ANKRD11: variants seen among roughly 807,000 people sequenced by gnomAD.
ANKRD11 encodes the protein ankyrin repeat domain-containing protein 11.
Under a neutral mutation model 195.7 loss-of-function variants are expected in ANKRD11, and 17 were observed. That is an observed-to-expected ratio of 0.09 (90% confidence interval 0.06 to 0.13). The LOEUF (loss-of-function observed/expected upper bound fraction) is 0.13, where lower values mean the gene tolerates loss of function less well. ANKRD11 is among the 10% of genes least tolerant of loss of function. The pLI is 1.00. For synonymous variants in ANKRD11, 1,953 were observed against 1,528.1 expected (o/e 1.28, Z -6.49); for missense variants, 3,735 against 3,566.1 (o/e 1.05, Z -1.21).
In ANKRD11 at chr16:89,304,388, GCACACATGGGCATA is replaced by G. The variant is rs1307929007; in HGVS notation, c.226+804_226+817del. On this transcript the variant is annotated intron_variant, in intron 4 of 12. Transcript: ENST00000301030. ...CATGCACATGCACACACATGCAAAC[GCACACATGGGCATA>G]CACACATGAGCGCACATATATACAG... is the stretch of plus-strand genomic sequence containing the variant. Among the ~76,000 whole-genome samples the G allele has an allele frequency of 2.8e-5, 4 of 144,358 alleles. No homozygotes were observed. The East Asian group carries it at 8.3e-4, about 30-fold the overall frequency. 94.7% of individuals were successfully genotyped at this position (144,358 alleles called of 152,430 possible).
chr16:89,463,229 A>G (rs931510682), intron 1 of ANKRD11, among the ~76,000 whole-genome samples: 3 of 152,242 alleles, frequency 2.0e-5, no homozygotes, highest in Admixed American at 1.3e-4. Context: ...TGTGGAATAG[A>G]AAGCGGGGAA....
chr16:89,342,269 C>G lies in ANKRD11; in HGVS notation c.-59-25191G>C, dbSNP rs530842849. 1.4e-4 allele frequency among the ~76,000 whole-genome samples: 22 copies of G among 152,376 alleles called. No homozygotes were observed. In the East Asian group the frequency reaches 3.9e-3, roughly 27 times the overall value. On this transcript the variant is annotated intron_variant, in intron 2 of 12. Transcript: ENST00000301030. ...AAGGTTCCAGGTGGAACATCAAGAG[C>G]TGCTGGTGAATGAGAGCGGCAGCCC...
chr16:89,331,082 T>C (rs950334427), intron 2 of ANKRD11, among the ~76,000 whole-genome samples: 3 of 152,010 alleles, frequency 2.0e-5, no homozygotes, highest in Non-Finnish European at 4.4e-5. Context: ...GCCTCCTGAG[T>C]AGCTGGGACT....
intron 2 of ANKRD11, chr16:89,324,001 C>G (rs552161183): frequency 8.8e-6 from 2 of 227,492 alleles, no homozygotes; most frequent in East Asian, 2.9e-4. Context: ...AAACCAAACC[C>G]CCAGTGTGCC....
chr16:89,300,902 A>C, intron 4 of ANKRD11: 1 of 701,412 alleles, frequency 1.4e-6, no homozygotes, highest in South Asian at 1.5e-5. Flanking sequence ...GCTTCGGCCC[A>C]TGGCGCTCCT....
chr16:89,377,284 A>G (rs2040463136), intron 2 of ANKRD11, among the ~76,000 whole-genome samples: 1 of 152,080 alleles, frequency 6.6e-6, no homozygotes, highest in Non-Finnish European at 1.5e-5. Flanking sequence ...AGAGAGAGAG[A>G]GCATCATGAG....
intron 2 of ANKRD11, among the ~76,000 whole-genome samples, chr16:89,368,299 C>T (rs916438731): frequency 1.3e-4 from 19 of 150,044 alleles, no homozygotes; most frequent in Admixed American, 8.7e-4. Flanking sequence ...AGGTTACAAG[C>T]GATTCTCCTG....
intron 1 of ANKRD11, among the ~76,000 whole-genome samples, chr16:89,431,006 G>A (rs574879719): frequency 1.4e-4 from 22 of 152,026 alleles, no homozygotes; most frequent in South Asian, 4.2e-4. Flanking sequence ...TATCCATCCC[G>A]GCCTCTTCCT....
chr16:89,373,730 G>A (rs1198163004), intron 2 of ANKRD11, among the ~76,000 whole-genome samples: 2 of 152,220 alleles, frequency 1.3e-5, no homozygotes, highest in Non-Finnish European at 2.9e-5. Context: ...CCACGCGGGA[G>A]GCATGCACAC....
chr16:89,415,511 G>T (rs183302441), intron 2 of ANKRD11, among the ~76,000 whole-genome samples: 2 of 143,622 alleles, frequency 1.4e-5, no homozygotes, highest in African/African-American at 5.3e-5. Flanking sequence ...TGATCCACCC[G>T]CCTCGGCCTC....
intron 2 of ANKRD11, among the ~76,000 whole-genome samples, chr16:89,414,374 C>T (rs996340897): frequency 6.6e-6 from 1 of 152,188 alleles, no homozygotes; most frequent in Non-Finnish European, 1.5e-5. Flanking sequence ...TCCGCTGTCA[C>T]TCACGGCCAC....
Position 89,267,928 on chromosome 16 carries a change from CTG to C in ANKRD11, c.*548_*549del, listed in dbSNP as rs2032768160. On this transcript the variant is annotated 3_prime_UTR_variant, in exon 13 of 13. Transcript: ENST00000301030. Reference sequence around the variant, plus strand: ...TTCAATACGGCTGGGAGTCCTGGCTCTGTGTCCCTCCGCCTGGCTCCGCACCA... The same window carrying C: ...TTCAATACGGCTGGGAGTCCTGGCTCTGTCCCTCCGCCTGGCTCCGCACCA... 1 of 160,984 alleles carries C rather than the reference CTG, an allele frequency of 6.2e-6. No homozygotes were observed. The highest frequency in any genetic ancestry group is 2.4e-5 in the African/African-American group (1 of 41,540). The allele number at this position is 160,984 out of a possible 1,614,324, so 10.0% of individuals were successfully genotyped here.
At chr16:89,464,548 T>C (rs1597490812) in intron 1 of ANKRD11, among the ~76,000 whole-genome samples, 2 of 140,314 alleles carry the variant, frequency 1.4e-5, no homozygotes, top group Non-Finnish European at 3.0e-5. Context: ...GTGGAGGCTG[T>C]AGTGAGCCAA....
intron 2 of ANKRD11, among the ~76,000 whole-genome samples, chr16:89,394,484 T>A (rs1263841650): frequency 1.3e-5 from 2 of 152,054 alleles, no homozygotes; most frequent in Non-Finnish European, 2.9e-5. Flanking sequence ...AAAAATTAGC[T>A]GTGCGTGGTG....
intron 3 of ANKRD11, among the ~76,000 whole-genome samples, chr16:89,315,111 G>A (rs1255125412): frequency 6.6e-6 from 1 of 152,188 alleles, no homozygotes; most frequent in Non-Finnish European, 1.5e-5. Flanking sequence ...CACTCTCGGG[G>A]TGAAACCACA....
At chr16:89,449,462 T>C (rs2043962709) in intron 1 of ANKRD11, among the ~76,000 whole-genome samples, 1 of 151,956 alleles carries the variant, frequency 6.6e-6, no homozygotes, top group Admixed American at 6.6e-5. Flanking sequence ...TTTTAAATTA[T>C]ACCCACACAC....
At chr16:89,433,745 G>A (rs1159823532) in intron 1 of ANKRD11, among the ~76,000 whole-genome samples, 3 of 151,038 alleles carry the variant, frequency 2.0e-5, no homozygotes, top group Admixed American at 6.6e-5. Context: ...GGGCTTGGAC[G>A]CAGCAGGGCT....
intron 2 of ANKRD11, among the ~76,000 whole-genome samples, chr16:89,351,100 C>T (rs1308446467): frequency 6.6e-6 from 1 of 152,156 alleles, no homozygotes; most frequent in Non-Finnish European, 1.5e-5. Context: ...TAAACTGTAC[C>T]TCAAAGAAGC....
intron 2 of ANKRD11, among the ~76,000 whole-genome samples, chr16:89,330,559 T>G (rs1597670547): frequency 6.9e-6 from 1 of 144,394 alleles, no homozygotes; most frequent in South Asian, 2.3e-4. Context: ...TGGGGTGGTG[T>G]GGGGGGGAGC....
Sources: allele counts gnomAD v4.1 joint callset (sites outside exome capture counted in the v4.1 genomes callset), GRCh38; gene constraint gnomAD v4.1.1; transcripts MANE v1.5; gene names NCBI Gene and HGNC (gene_info 2026-07-23, HGNC 2026-07-21).